The following ADAMTS19 variants were observed in gnomAD, a reference collection of about 807,000 sequenced individuals.
The protein encoded by ADAMTS19 is ADAM metallopeptidase with thrombospondin type 1 motif 19.
ADAMTS19 carries 93 observed loss-of-function variants against 153.3 expected under a neutral mutation model. The observed-to-expected ratio is 0.61, with a 90% confidence interval of 0.51 to 0.72. The LOEUF is 0.72. Ranked by LOEUF, ADAMTS19 falls within the 30% of genes least tolerant of loss-of-function variation. The pLI is 0.00. For missense variants in ADAMTS19, 1,482 were observed against 1,552.1 expected, an observed-to-expected ratio of 0.95 and a Z score of 0.76; for synonymous variants, 600 against 556.6, an observed-to-expected ratio of 1.08 and a Z score of -1.10.
chr5:129,595,759 A>T (rs12519877), intron 7 of ADAMTS19, among the ~76,000 whole-genome samples: 101,334 of 151,844 alleles, frequency 0.67, 35,831 homozygotes, highest in Non-Finnish European at 0.79. Context: ...AATTGATATT[A>T]TGATAACTTG....
At chr5:129,732,099 A>G (rs1371219368) in intron 21 of ADAMTS19, among the ~76,000 whole-genome samples, 1 of 152,186 alleles carries the variant, frequency 6.6e-6, no homozygotes, top group Non-Finnish European at 1.5e-5. Context: ...AAAAATTGTT[A>G]CACATCAAAT....
intron 8 of ADAMTS19, among the ~76,000 whole-genome samples, chr5:129,615,821 G>A (rs1448390589): frequency 6.6e-6 from 1 of 151,948 alleles, no homozygotes; most frequent in Admixed American, 6.6e-5. Flanking sequence ...GGACTAACAG[G>A]ATCCAGGCAT....
intron 21 of ADAMTS19, among the ~76,000 whole-genome samples, chr5:129,731,856 T>C (rs1757456429): frequency 6.6e-6 from 1 of 152,128 alleles, no homozygotes; most frequent in African/African-American, 2.4e-5. Flanking sequence ...ATTTAAATAA[T>C]TCTAATTGTA....
At chr5:129,499,403 T>C (rs919467260) in intron 2 of ADAMTS19, among the ~76,000 whole-genome samples, 4 of 152,122 alleles carry the variant, frequency 2.6e-5, no homozygotes, top group African/African-American at 9.7e-5. Context: ...ACTTCCTTTT[T>C]ACTTCTTCAC....
At chr5:129,617,815 G>T (rs1751598738) in intron 8 of ADAMTS19, among the ~76,000 whole-genome samples, 1 of 151,958 alleles carries the variant, frequency 6.6e-6, no homozygotes, top group South Asian at 2.1e-4. Context: ...TGGTTTTTCT[G>T]AAGGGCACAC....
intron 2 of ADAMTS19, among the ~76,000 whole-genome samples, chr5:129,470,795 C>T (rs1409803176): frequency 1.3e-5 from 2 of 152,238 alleles, no homozygotes; most frequent in Middle Eastern, 3.4e-3. Context: ...CTGGTGAGCC[C>T]AGGCCAGTTT....
At chr5:129,638,633 G>A (rs1368347600) in intron 10 of ADAMTS19, among the ~76,000 whole-genome samples, 4 of 151,216 alleles carry the variant, frequency 2.6e-5, no homozygotes, top group Admixed American at 1.3e-4. Flanking sequence ...ATAAAGTTCT[G>A]TTATTAGAAA....
chr5:129,639,154 CA>C (rs1752682137), intron 10 of ADAMTS19, among the ~76,000 whole-genome samples: 1 of 152,046 alleles, frequency 6.6e-6, no homozygotes, highest in Non-Finnish European at 1.5e-5. Context: ...GTGGTTTCAG[CA>C]ACTAAGTTGA....
At chr5:129,477,244 C>G (rs890182195) in intron 2 of ADAMTS19, among the ~76,000 whole-genome samples, 1 of 152,030 alleles carries the variant, frequency 6.6e-6, no homozygotes, top group Non-Finnish European at 1.5e-5. Flanking sequence ...GGGAAACAGC[C>G]AAGTATCATT....
chr5:129,661,702 A>G (rs987892752), intron 15 of ADAMTS19, among the ~76,000 whole-genome samples: 5 of 152,216 alleles, frequency 3.3e-5, no homozygotes, highest in Non-Finnish European at 5.9e-5. Flanking sequence ...CCAAGTGATA[A>G]ATTTTCAGAG....
chr5:129,632,336 C>T (rs1198737172), intron 10 of ADAMTS19, among the ~76,000 whole-genome samples: 2 of 151,756 alleles, frequency 1.3e-5, no homozygotes, highest in East Asian at 3.8e-4. Context: ...TTTTTCTGTA[C>T]TATAGTCATG....
intron 6 of ADAMTS19, among the ~76,000 whole-genome samples, chr5:129,541,646 A>T (rs572115622): frequency 6.6e-6 from 1 of 152,154 alleles, no homozygotes; most frequent in African/African-American, 2.4e-5. Flanking sequence ...TTACCACGTT[A>T]CAGAGGTGAT....
chr5:129,696,592 C>T (rs1755566254), intron 19 of ADAMTS19, among the ~76,000 whole-genome samples: 1 of 152,036 alleles, frequency 6.6e-6, no homozygotes, highest in Admixed American at 6.5e-5. Flanking sequence ...TCTCACAGGG[C>T]CCTGAGAACA....
intron 10 of ADAMTS19, among the ~76,000 whole-genome samples, chr5:129,636,386 T>G (rs1218416850): frequency 1.3e-5 from 2 of 152,206 alleles, no homozygotes; most frequent in Non-Finnish European, 2.9e-5. Context: ...TCTTTAAAAA[T>G]TTAAAATAGG....
intron 10 of ADAMTS19, among the ~76,000 whole-genome samples, chr5:129,635,615 A>G (rs886285679): frequency 2.6e-5 from 4 of 152,202 alleles, no homozygotes; most frequent in African/African-American, 9.6e-5. Context: ...ACATGGATGG[A>G]AGTGGAGCCA....
intron 17 of ADAMTS19, among the ~76,000 whole-genome samples, chr5:129,680,275 T>G (rs1180408889): frequency 1.3e-5 from 2 of 152,146 alleles, no homozygotes; most frequent in African/African-American, 4.8e-5. Flanking sequence ...GCGTTTTATA[T>G]ATCCATGAAT....
chr5:129,708,590 C>CAAAAAAAAAAAA (rs1174701520), intron 21 of ADAMTS19, among the ~76,000 whole-genome samples: 92 of 61,758 alleles, frequency 1.5e-3, no homozygotes, highest in Middle Eastern at 0.016. Context: ...AGCAGAGAAG[C>CAAAAAAAAAAAA]AAAAAAAAAA....
At chr5:129,692,014 C>A (rs1755360565) in intron 18 of ADAMTS19, among the ~76,000 whole-genome samples, 1 of 152,078 alleles carries the variant, frequency 6.6e-6, no homozygotes, top group Non-Finnish European at 1.5e-5. Flanking sequence ...TTGCAGTTGG[C>A]AAAATGTCAT....
At chr5:129,471,312 G>C (rs1318362073) in intron 2 of ADAMTS19, among the ~76,000 whole-genome samples, 3 of 152,044 alleles carry the variant, frequency 2.0e-5, no homozygotes, top group Non-Finnish European at 2.9e-5. Context: ...GCTGCAGTGA[G>C]CTGTGATTGC....
Sources: allele counts gnomAD v4.1 joint callset (sites outside exome capture counted in the v4.1 genomes callset), GRCh38; gene constraint gnomAD v4.1.1; transcripts MANE v1.5; gene names NCBI Gene and HGNC (gene_info 2026-07-23, HGNC 2026-07-21).